Variants in RBL1 observed in about 807,000 individuals in gnomAD.
RBL1 encodes the protein RB transcriptional corepressor like 1.
RBL1 carries 82 observed loss-of-function variants against 123.0 expected under a neutral mutation model. The observed-to-expected ratio is 0.67, with a 90% CI of 0.56 to 0.80. RBL1 has a LOEUF of 0.80. Ranked by LOEUF, RBL1 falls within the 30% of genes least tolerant of loss-of-function variation. RBL1 has a pLI of 0.00. For missense variants in RBL1, 1,171 were observed against 1,299.6 expected, an observed-to-expected ratio of 0.90 and a Z score of 1.52; for synonymous variants, 405 against 441.3, an observed-to-expected ratio of 0.92 and a Z score of 1.03.
At chr20:37,006,666 C>T (rs569898139) in intron 20 of RBL1, among the ~76,000 whole-genome samples, 32 of 149,846 alleles carry the variant, frequency 2.1e-4, no homozygotes, top group Admixed American at 5.3e-4. Flanking sequence ...TGGTGAAACC[C>T]TGTCTCTACT....
rs575203296 is a variant in RBL1 at position 37,063,971 on chromosome 20, C to T, written c.896+1453G>A. On this transcript the variant is annotated intron_variant, in intron 7 of 21. Coordinates refer to ENST00000373664, the MANE Select transcript of RBL1 (RefSeq NM_002895.5). ...CCAAGTAGCTGGGACTACAGGCTCA[C>T]GCCACTACGTCTGGCTGATTTTGTA... Among the ~76,000 whole-genome samples, 86 of 146,442 alleles carry T rather than the reference C, an allele frequency of 5.9e-4. 1 individual carries two copies. Among genetic ancestry groups the T allele is most frequent in the Middle Eastern group, 3.9e-3 (1 of 254 alleles).
At chr20:37,009,222 G>A (rs1481530861) in intron 19 of RBL1, among the ~76,000 whole-genome samples, 3 of 151,918 alleles carry the variant, frequency 2.0e-5, no homozygotes, top group Non-Finnish European at 4.4e-5. Flanking sequence ...ATGGTGTTTC[G>A]CCAGCTGGAA....
intron 13 of RBL1, 100 bp downstream of exon 13, chr20:37,043,986 A>T: frequency 1.0e-6 from 1 of 965,234 alleles, no homozygotes; most frequent in Non-Finnish European, 1.5e-6. Flanking sequence ...TTGTACACTT[A>T]AAATGGGTGA....
chr20:37,018,491 C>A, intron 18 of RBL1, 122 bp from the exon 19 acceptor site: 2 of 1,331,972 alleles, frequency 1.5e-6, no homozygotes, highest in Non-Finnish European at 2.0e-6. Flanking sequence ...AAGTGATACT[C>A]AAGGGTAAAA....
At chr20:37,070,978 C>CTCTG (rs1287794918) in intron 2 of RBL1, among the ~76,000 whole-genome samples, 2 of 152,018 alleles carry the variant, frequency 1.3e-5, no homozygotes, top group Non-Finnish European at 2.9e-5. Context: ...TCACTGCAAC[C>CTCTG]TCTGCATCCC....
In RBL1 at chr20:37,068,782, C is replaced by T. The variant is rs180988906; in HGVS notation, c.291-596G>A. On this transcript the variant is annotated intron_variant, in intron 2 of 21. Coordinates refer to ENST00000373664, the MANE Select transcript of RBL1 (RefSeq NM_002895.5). ...CTGAGATCGGGAGTTCAAGACACAGCCTGAGCAACATGAAGAAACCCCGTC... is the reference window on the plus strand; with the variant it reads ...CTGAGATCGGGAGTTCAAGACACAGTCTGAGCAACATGAAGAAACCCCGTC... Among the ~76,000 whole-genome samples, 329 of 152,322 alleles carry T rather than the reference C, an allele frequency of 2.2e-3. 1 individual carries two copies. The highest frequency in any genetic ancestry group is 3.3e-3 in the Non-Finnish European group (224 of 68,024).
chr20:37,095,816 G>T lies in RBL1; in HGVS notation c.113C>A (p.Ala38Asp). The T allele has an allele frequency of 1.2e-6, 2 of 1,609,644 alleles. No individual in the cohort carries two copies. The highest frequency in any genetic ancestry group is 1.7e-5 in the Admixed American group (1 of 59,752). Residue 38 changes from alanine to aspartate, a missense_variant, in exon 1 of 22, where the codon GCC (alanine) becomes GAC (aspartate). By Grantham distance (126) the Ala-to-Asp change is moderately radical. Transcript: ENST00000373664. ...LNLDEGSAAE[A>D]LDDFTAIRGN... ...TCGGATGGCAGTAAAGTCGTCCAGG[G>T]CTTCGGCCGCGCTCCCCTCGTCCAG...
chr20:37,044,152 C>T lies in RBL1; in HGVS notation c.1704G>A (p.Trp568Ter). 1 of 1,613,216 alleles carries T rather than the reference C, an allele frequency of 6.2e-7. No individual in the cohort carries two copies. ...IEEQILESLA[W>*]SHDSALWEAL... is the part of the protein sequence containing the mutation. ...CCTCCCACAGTGCAGAATCGTGACT[C>T]CATGCTAAACTCTCCAAAATCTGTT... The change falls in exon 13 of 22, where the codon TGG becomes TGA. Residue 568 changes from tryptophan (W) to a stop codon, truncating the protein, a stop_gained. Coordinates refer to ENST00000373664, the MANE Select transcript of RBL1 (RefSeq NM_002895.5). LOFTEE classifies it high-confidence loss of function.
At chr20:37,009,717 T>A (rs796259787) in intron 19 of RBL1, among the ~76,000 whole-genome samples, 5 of 152,234 alleles carry the variant, frequency 3.3e-5, no homozygotes, top group African/African-American at 1.2e-4. Flanking sequence ...GACTATAGTG[T>A]CTCTATATTT....
intron 2 of RBL1, among the ~76,000 whole-genome samples, chr20:37,080,100 A>G (rs1431920802): frequency 6.6e-6 from 1 of 152,048 alleles, no homozygotes; most frequent in Non-Finnish European, 1.5e-5. Context: ...TTTTTACCAA[A>G]GATTAATCTT....
At position 37,068,134 on chromosome 20, in the gene RBL1, G is replaced by A; in HGVS notation, c.343C>T (p.Pro115Ser). ...MKKWMDMSNLPQEFRERIERL... is the reference protein window; with the variant it reads ...MKKWMDMSNLSQEFRERIERL... ...TCTATACGTTCACGAAATTCTTGTG[G>A]TAGATTTGACATGTCCATCCATTTC... Residue 115 changes from proline to serine, a missense_variant, in exon 3 of 22, where the codon CCA becomes TCA. Physicochemically the swap from Pro to Ser is moderately conservative, Grantham distance 74. Coordinates refer to ENST00000373664, the MANE Select transcript of RBL1 (RefSeq NM_002895.5). The A allele has an allele frequency of 1.2e-6, 2 of 1,611,882 alleles. No individual in the cohort carries two copies. Among genetic ancestry groups the A allele is most frequent in the Non-Finnish European group, 1.7e-6 (2 of 1,179,278 alleles).
At chr20:37,016,446 T>C (rs1408305609) in intron 19 of RBL1, among the ~76,000 whole-genome samples, 1 of 152,260 alleles carries the variant, frequency 6.6e-6, no homozygotes. Flanking sequence ...TAGGACATTA[T>C]TAAAAGATCT....
intron 9 of RBL1, among the ~76,000 whole-genome samples, chr20:37,058,601 C>T (rs1378665419): frequency 6.6e-6 from 1 of 151,546 alleles, no homozygotes; most frequent in Non-Finnish European, 1.5e-5. Flanking sequence ...GATGAGGTGT[C>T]GCTATGTTGC....
At chr20:37,018,140 CTTAT>C (rs1481030029) in intron 19 of RBL1, 135 bp downstream of exon 19, 31 of 998,762 alleles carry the variant, frequency 3.1e-5, no homozygotes, top group Non-Finnish European at 3.4e-5. Flanking sequence ...TAATCTCAAA[CTTAT>C]TTGTTTTCAA....
Position 37,044,332 on chromosome 20 carries a change from TTTC to T in RBL1, c.1606-85_1606-83del, listed in dbSNP as rs569022282. On this transcript the variant is annotated intron_variant, in intron 12 of 21. Transcript: ENST00000373664. The stretch of plus-strand genomic sequence containing the variant: ...ACTTGCATGTAGGACTAGCTGTGGC[TTTC>T]TTCTTCTTCTTCTTTTTTTTGAGAC... 2,370 of 1,339,192 alleles carry T rather than the reference TTTC, an allele frequency of 1.8e-3. 4 individuals are homozygous for T. The highest frequency in any genetic ancestry group is 2.0e-3 in the Non-Finnish European group (1,895 of 970,490). The allele number at this position is 1,339,192 out of a possible 1,614,324, so 83.0% of individuals were successfully genotyped here.
At chr20:37,047,959 G>A (rs954835501) in intron 11 of RBL1, among the ~76,000 whole-genome samples, 7 of 151,954 alleles carry the variant, frequency 4.6e-5, no homozygotes, top group African/African-American at 9.7e-5. Context: ...CATACTGGGC[G>A]ACACAGCGAG....
chr20:37,057,358 C>A (rs569393899), intron 9 of RBL1, among the ~76,000 whole-genome samples: 11 of 152,290 alleles, frequency 7.2e-5, no homozygotes, highest in African/African-American at 2.6e-4. Context: ...TTCTTACCAA[C>A]ACCTGCTATT....
At chr20:37,066,108 C>T (rs1473320511) in intron 6 of RBL1, among the ~76,000 whole-genome samples, 5 of 152,060 alleles carry the variant, frequency 3.3e-5, no homozygotes, top group Admixed American at 1.3e-4. Flanking sequence ...TAATCCAAAC[C>T]CCTCCTTTTA....
Position 37,054,943 on chromosome 20 carries a change from A to G in RBL1, c.1467+610T>C, listed in dbSNP as rs535430444. Among the ~76,000 whole-genome samples, 9 of 152,324 alleles carry G rather than the reference A, an allele frequency of 5.9e-5. No individual in the cohort carries two copies. The South Asian group carries it at 1.9e-3, about 32-fold the overall frequency. ...CAGAAAAGAGAAACCAACACAGAAA[A>G]GACATGAAAAAAATTTCCAGGTAAA... On this transcript the variant is annotated intron_variant, in intron 11 of 21. Transcript: ENST00000373664.
Sources: allele counts gnomAD v4.1 joint callset (sites outside exome capture counted in the v4.1 genomes callset), GRCh38; gene constraint gnomAD v4.1.1; transcripts MANE v1.5; gene names NCBI Gene and HGNC (gene_info 2026-07-23, HGNC 2026-07-21).